Variants in C7orf78 observed in about 807,000 individuals in gnomAD.
C7orf78 encodes chromosome 7 open reading frame 78.
chr7:12,487,276 G>C, the C7orf78 span, among the ~76,000 whole-genome samples: 1 of 152,072 alleles, frequency 6.6e-6, no homozygotes, highest in African/African-American at 2.4e-5. Context: ...AACTTGGGAA[G>C]AGAAGTCAGG....
At chr7:12,490,939 T>A in the C7orf78 span, among the ~76,000 whole-genome samples, 1 of 151,958 alleles carries the variant, frequency 6.6e-6, no homozygotes, top group Non-Finnish European at 1.5e-5. Context: ...ATTTTCTTCC[T>A]TAGAGGAAAA....
chr7:12,506,780 T>TA, the C7orf78 span: 4 of 338,894 alleles, frequency 1.2e-5, no homozygotes, highest in South Asian at 9.5e-5. Context: ...CCCTAGAACT[T>TA]AAAGTATAAA....
At chr7:12,533,720 G>A in the C7orf78 span, among the ~76,000 whole-genome samples, 44 of 151,956 alleles carry the variant, frequency 2.9e-4, 1 homozygote, top group South Asian at 8.3e-3. Flanking sequence ...GTTTCACCAC[G>A]TTAGCCAGGA....
the C7orf78 span, chr7:12,506,857 G>A: frequency 1.1e-4 from 48 of 445,384 alleles, no homozygotes; most frequent in East Asian, 9.1e-4. Context: ...TCAGGTTATC[G>A]TAGAAAAGTC....
chr7:12,529,658 T>A, the C7orf78 span, among the ~76,000 whole-genome samples: 1 of 152,200 alleles, frequency 6.6e-6, no homozygotes, highest in African/African-American at 2.4e-5. Flanking sequence ...ATACATTGGT[T>A]TCACCTGGAA....
At chr7:12,524,289 A>G in the C7orf78 span, among the ~76,000 whole-genome samples, 1 of 152,232 alleles carries the variant, frequency 6.6e-6, no homozygotes, top group African/African-American at 2.4e-5. Context: ...AAAGCACAAC[A>G]GAATCTGAAA....
At chr7:12,538,179 G>A in the C7orf78 span, 1 of 151,862 alleles carries the variant, frequency 6.6e-6, no homozygotes, top group Admixed American at 6.6e-5. Context: ...TTTTTTAATT[G>A]GGAGATTCTT....
the C7orf78 span, among the ~76,000 whole-genome samples, chr7:12,522,011 A>T: frequency 6.6e-6 from 1 of 152,064 alleles, no homozygotes; most frequent in Non-Finnish European, 1.5e-5. Flanking sequence ...AAATATTACA[A>T]ATTTTTGAAA....
chr7:12,531,468 T>C, the C7orf78 span, among the ~76,000 whole-genome samples: 1 of 152,140 alleles, frequency 6.6e-6, no homozygotes, highest in East Asian at 1.9e-4. Context: ...CACCTGTAAT[T>C]TGTGATCTTG....
the C7orf78 span, among the ~76,000 whole-genome samples, chr7:12,499,769 G>A: frequency 6.6e-6 from 1 of 150,828 alleles, no homozygotes; most frequent in Non-Finnish European, 1.5e-5. Context: ...CAAATCAACA[G>A]AATATACATT....
the C7orf78 span, among the ~76,000 whole-genome samples, chr7:12,523,816 T>C: frequency 6.6e-6 from 1 of 152,180 alleles, no homozygotes; most frequent in African/African-American, 2.4e-5. Context: ...TGAAAATAGT[T>C]AAAAAGGGAT....
the C7orf78 span, among the ~76,000 whole-genome samples, chr7:12,519,987 TG>T: frequency 6.6e-6 from 1 of 152,194 alleles, no homozygotes; most frequent in African/African-American, 2.4e-5. Flanking sequence ...ATGCCCTCAT[TG>T]GGTCTCCAGA....
the C7orf78 span, among the ~76,000 whole-genome samples, chr7:12,484,982 G>A: frequency 1.3e-5 from 2 of 152,086 alleles, no homozygotes; most frequent in African/African-American, 2.4e-5. Context: ...ACTTTCAAAA[G>A]TATTGCATTC....
chr7:12,534,815 G>A, the C7orf78 span, among the ~76,000 whole-genome samples: 1 of 152,066 alleles, frequency 6.6e-6, no homozygotes, highest in Admixed American at 6.6e-5. Flanking sequence ...TTAGCCAGAT[G>A]TGGTAGTACA....
chr7:12,507,102 C>T, the C7orf78 span: 5 of 270,468 alleles, frequency 1.8e-5, no homozygotes, highest in African/African-American at 2.4e-5. Flanking sequence ...AGATCGAGAT[C>T]ATCCTGGCCA....
the C7orf78 span, among the ~76,000 whole-genome samples, chr7:12,511,826 A>G: frequency 2.0e-5 from 3 of 150,682 alleles, no homozygotes; most frequent in Middle Eastern, 0.01. Flanking sequence ...ATCTCAGCTC[A>G]CTGCAAGCTC....
chr7:12,535,616 C>G, the C7orf78 span, among the ~76,000 whole-genome samples: 3 of 152,288 alleles, frequency 2.0e-5, no homozygotes, highest in Middle Eastern at 3.4e-3. Flanking sequence ...TAAGTTTTAA[C>G]TCATTTCAGA....
the C7orf78 span, among the ~76,000 whole-genome samples, chr7:12,515,799 G>A: frequency 6.6e-6 from 1 of 152,174 alleles, no homozygotes; most frequent in Non-Finnish European, 1.5e-5. Flanking sequence ...CTGCCCTAGA[G>A]ATTTGTGGAA....
the C7orf78 span, chr7:12,504,500 T>G: frequency 6.6e-6 from 1 of 152,192 alleles, no homozygotes; most frequent in Non-Finnish European, 1.5e-5. Flanking sequence ...AAAGATTTGC[T>G]GAGATATATT....
Sources: allele counts gnomAD v4.1 joint callset (sites outside exome capture counted in the v4.1 genomes callset), GRCh38; gene constraint gnomAD v4.1.1; transcripts MANE v1.5; gene names NCBI Gene and HGNC (gene_info 2026-07-23, HGNC 2026-07-21).